Variants in TSC2 observed in about 807,000 individuals in gnomAD.
TSC2 encodes TSC complex subunit 2, also known as tuberin.
A neutral mutation model predicts 202.2 loss-of-function variants in TSC2; 29 were observed. The ratio of observed to expected loss-of-function variants is 0.14; its 90% CI spans 0.11 to 0.20. The LOEUF is 0.20. Among genes scored for constraint, TSC2 ranks in the 10% least tolerant of loss-of-function variants. The pLI, the probability that TSC2 is intolerant of heterozygous loss-of-function variation, is 1.00. For missense variants in TSC2, 2,429 were observed against 2,420.0 expected, an observed-to-expected ratio of 1.00 and a Z score of -0.08; for synonymous variants, 1,349 against 1,044.0, an observed-to-expected ratio of 1.29 and a Z score of -5.63.
At chr16:2,064,197 C>T (rs1425462795) in intron 14 of TSC2, 75 bp from the exon 15 acceptor site, 12 of 1,610,970 alleles carry the variant, frequency 7.4e-6, no homozygotes, top group Non-Finnish European at 9.3e-6. Context: ...GGGTCGGTTC[C>T]TGAGGAATTG....
At chr16:2,055,145 T>A in intron 5 of TSC2, 1 of 566,432 alleles carries the variant, frequency 1.8e-6, no homozygotes, top group South Asian at 1.9e-5. Context: ...GCATACACAC[T>A]TCTGCTGCCG....
rs777223264 is a variant in TSC2, at chr16:2,088,069, C to T, written c.5090C>T (p.Thr1697Ile). The change falls in exon 40 of 42, where the codon ACC becomes ATC. Residue 1697 changes from threonine (T) to isoleucine (I), a missense_variant. Thr to Ile is a moderately conservative substitution (Grantham distance 89). Coordinates refer to ENST00000219476, the MANE Select transcript of TSC2 (RefSeq NM_000548.5). The stretch of plus-strand genomic sequence containing the variant: ...CCAGACATGGAGGGCCTTGTGGACA[C>T]CAGCGTGGCCAAGATCGTGTCTGAC... ...CRKDMEGLVD[T>I]SVAKIVSDRN... 2 of 1,612,792 alleles carry T rather than the reference C, an allele frequency of 1.2e-6. No homozygotes were observed. The highest frequency in any genetic ancestry group is 1.3e-5 in the African/African-American group (1 of 75,016).
chr16:2,062,445 G>C, intron 12 of TSC2, 52 bp from the exon 13 acceptor site: 1 of 1,526,500 alleles, frequency 6.6e-7, no homozygotes, highest in Non-Finnish European at 8.9e-7. Flanking sequence ...CCAGTGTGGA[G>C]AAGGAGAGCG....
chr16:2,066,692 G>A (rs543415734), intron 16 of TSC2, among the ~76,000 whole-genome samples: 3 of 115,618 alleles, frequency 2.6e-5, no homozygotes, highest in Admixed American at 2.6e-4. Flanking sequence ...GTCTCACTCT[G>A]TCGCCCAGGC....
chr16:2,081,842 GC>G lies in TSC2; in HGVS notation c.3814+46del, dbSNP rs145419912. 40 of 1,602,678 alleles carry G rather than the reference GC, an allele frequency of 2.5e-5. No homozygotes were observed. In the African/African-American group the frequency reaches 5.4e-4, roughly 21 times the overall value. ...CTTGGCACGGGCTCTGCTCCCACTGGCCTGGTGCTCCCGGTGACGGCAATGT... is the reference window on the plus strand; with the variant it reads ...CTTGGCACGGGCTCTGCTCCCACTGGCTGGTGCTCCCGGTGACGGCAATGT... On this transcript the variant is annotated intron_variant, in intron 31 of 41. Coordinates refer to ENST00000219476, the MANE Select transcript of TSC2 (RefSeq NM_000548.5).
At chr16:2,078,605 G>GTATCATTAAA in intron 26 of TSC2, 2 of 279,226 alleles carry the variant, frequency 7.2e-6, no homozygotes, top group South Asian at 7.8e-5. Flanking sequence ...TCGCCTGCCT[G>GTATCATTAAA]AGGGTGACGG....
intron 26 of TSC2, chr16:2,078,267 T>TGGGCTCTC (rs1301332512): frequency 5.9e-6 from 1 of 169,076 alleles, no homozygotes; most frequent in Non-Finnish European, 1.3e-5. Flanking sequence ...GGTGCAGGTG[T>TGGGCTCTC]GGGCTCTCGG....
intron 3 of TSC2, among the ~76,000 whole-genome samples, chr16:2,051,093 A>G (rs148010799): frequency 2.0e-5 from 3 of 151,262 alleles, no homozygotes; most frequent in African/African-American, 7.3e-5. Context: ...TGGGAGGCCG[A>G]GGTGGGTGGA....
chr16:2,071,633 C>A lies in TSC2; in HGVS notation c.1946+17C>A, dbSNP rs758357102. ...CGACTACATGTACGCGGGACCTCGCCCACGGCCCATGAGGCTCAGGGCGTC... is the reference window on the plus strand; with the variant it reads ...CGACTACATGTACGCGGGACCTCGCACACGGCCCATGAGGCTCAGGGCGTC... On this transcript the variant is annotated intron_variant, in intron 18 of 41. Coordinates refer to ENST00000219476, the MANE Select transcript of TSC2 (RefSeq NM_000548.5). 1 of 1,613,014 alleles carries A rather than the reference C, an allele frequency of 6.2e-7. No individual in the cohort carries two copies. The highest frequency in any genetic ancestry group is 1.1e-5 in the South Asian group (1 of 91,024).
intron 14 of TSC2, chr16:2,064,055 C>T: frequency 1.4e-6 from 1 of 706,172 alleles, no homozygotes; most frequent in African/African-American, 1.7e-5. Flanking sequence ...CTGCGGTGCT[C>T]ACCAGCCTTC....
At position 2,082,488 on chromosome 16, in the gene TSC2, G is replaced by C. The variant is rs1008733639; in HGVS notation, c.3867G>C (p.Arg1289Ser). ...CCAGCTGCCAAGGACAGCTGCACAG[G>C]AGCGTTTCCTGGGCAGGTATCGCCT... ...YQSSCQGQLH[R>S]SVSWADSAVV... Residue 1289 changes from arginine (R) to serine (S), a missense_variant, in exon 32 of 42, where the codon AGG (arginine) becomes AGC (serine). Coordinates refer to ENST00000219476, the MANE Select transcript of TSC2 (RefSeq NM_000548.5). 1 of 1,612,114 alleles carries C rather than the reference G, an allele frequency of 6.2e-7. No homozygotes were observed. Among genetic ancestry groups the C allele is most frequent in the Admixed American group, 1.7e-5 (1 of 60,032 alleles).
chr16:2,086,257 C>A lies in TSC2; in HGVS notation c.4727C>A (p.Thr1576Lys), dbSNP rs45437192. The A allele has an allele frequency of 3.7e-6, 6 of 1,612,572 alleles. No homozygotes were observed. The highest frequency in any genetic ancestry group is 5.1e-6 in the Non-Finnish European group (6 of 1,179,930). Reference protein sequence around the residue: ...HGSYRYTEFLTGLGRLIELKD... With the variant: ...HGSYRYTEFLKGLGRLIELKD... Reference sequence around the variant, plus strand: ...TCCTACAGGTACACGGAGTTCCTGACGGGCCTGGGCCGGCTCATCGAGCTG... The same window carrying A: ...TCCTACAGGTACACGGAGTTCCTGAAGGGCCTGGGCCGGCTCATCGAGCTG... The change falls in exon 37 of 42, where the codon ACG (threonine) becomes AAG (lysine). Residue 1576 changes from threonine to lysine, a missense_variant. Thr to Lys is a moderately conservative substitution (Grantham distance 78). Transcript: ENST00000219476.
chr16:2,055,353 G>A (rs993310720), intron 5 of TSC2, 49 bp from the exon 6 acceptor site: 1 of 1,441,898 alleles, frequency 6.9e-7, no homozygotes, highest in Admixed American at 1.7e-5. Flanking sequence ...GAGGTGAGTG[G>A]GAGATGTAGA....
intron 14 of TSC2, chr16:2,063,698 G>A (rs1041823008): frequency 4.5e-5 from 10 of 222,736 alleles, no homozygotes; most frequent in African/African-American, 1.1e-4. Context: ...TGGGCATTGC[G>A]ATCCCGCATT....
chr16:2,062,772 C>T, intron 13 of TSC2, 172 bp downstream of exon 13: 1 of 894,416 alleles, frequency 1.1e-6, no homozygotes, highest in Non-Finnish European at 1.8e-6. Context: ...TCCAGCAGGA[C>T]AGGTCCTCTC....
chr16:2,071,608 C>T lies in TSC2; in HGVS notation c.1938C>T (p.Cys646=), dbSNP rs745414854. ...GVVRFSPYCV[C]DYMEPERGSE... ...TGCGGTTCAGCCCCTACTGCGTCTG[C>T]GACTACATGTACGCGGGACCTCGCC... The change falls in exon 18 of 42, where the codon TGC becomes TGT. Residue 646 remains cysteine (C), a synonymous_variant. Coordinates refer to ENST00000219476, the MANE Select transcript of TSC2 (RefSeq NM_000548.5). 5.6e-6 allele frequency: 9 copies of T among 1,613,372 alleles called. No individual in the cohort carries two copies. The highest frequency in any genetic ancestry group is 2.2e-5 in the South Asian group (2 of 91,084).
chr16:2,065,119 G>GAAA, intron 15 of TSC2: 4 of 123,052 alleles, frequency 3.3e-5, no homozygotes, highest in Non-Finnish European at 4.7e-5. Context: ...GTCTCAAAAA[G>GAAA]AAAAAAAAAA....
chr16:2,063,654 C>G (rs2086911834), intron 14 of TSC2: 1 of 223,680 alleles, frequency 4.5e-6, no homozygotes, highest in South Asian at 6.8e-5. Context: ...CTGCTCCTCT[C>G]CCCAGCGTCC....
At chr16:2,056,082 C>T (rs2085770624) in intron 6 of TSC2, 114 bp from the exon 7 acceptor site, 6 of 1,403,398 alleles carry the variant, frequency 4.3e-6, no homozygotes, top group Non-Finnish European at 5.9e-6. Flanking sequence ...GGTGGGACCC[C>T]CAGGGAGGAT....
Sources: gnomAD v4.1 joint callset for allele counts (sites outside exome capture counted in the v4.1 genomes callset) on GRCh38, gnomAD v4.1.1 for gene constraint, MANE v1.5 for transcripts, NCBI Gene and HGNC (gene_info 2026-07-23, HGNC 2026-07-21) for gene names.